Variants in ACAA2 observed in about 807,000 individuals in gnomAD.
The protein encoded by ACAA2 is 3-ketoacyl-CoA thiolase, mitochondrial.
In ACAA2, 35 loss-of-function variants were observed where a neutral mutation model predicts 44.8. The observed-to-expected ratio is 0.78, with a 90% CI of 0.60 to 1.04. The LOEUF (loss-of-function observed/expected upper bound fraction) is 1.04, where lower values mean the gene tolerates loss of function less well. Among genes scored for constraint, ACAA2 ranks in the 50% least tolerant of loss-of-function variants. The probability of loss-of-function intolerance (pLI) is 0.00; values close to 1 mark genes in which losing one functional copy is unlikely to be tolerated. For missense variants in ACAA2, 468 were observed against 482.6 expected, an observed-to-expected ratio of 0.97 and a Z score of 0.28; for synonymous variants, 142 against 166.5, an observed-to-expected ratio of 0.85 and a Z score of 1.13.
chr18:49,811,156 A>G (rs555005575), intron 1 of ACAA2, among the ~76,000 whole-genome samples: 136 of 152,074 alleles, frequency 8.9e-4, no homozygotes, highest in Admixed American at 1.1e-3. Flanking sequence ...GAAGAGACCT[A>G]TTAACCCAGA....
At position 49,803,701 on chromosome 18, in the gene ACAA2, T is replaced by C. The variant is rs1023922637; in HGVS notation, c.17-848A>G. Among the ~76,000 whole-genome samples the C allele has an allele frequency of 2.6e-5, 4 of 152,268 alleles. No individual in the cohort carries two copies. In the East Asian group the frequency reaches 7.7e-4, roughly 29 times the overall value. Reference sequence around the variant, plus strand: ...TCCTTCTTCTATGTGCTGGAGTATATTGCCTAGTATTAGAATAAAAGAATC... The same window carrying C: ...TCCTTCTTCTATGTGCTGGAGTATACTGCCTAGTATTAGAATAAAAGAATC... On this transcript the variant is annotated intron_variant, in intron 1 of 9. Transcript: ENST00000285093.
At chr18:49,802,599 G>T in intron 2 of ACAA2, 88 bp downstream of exon 2, 23 of 1,105,062 alleles carry the variant, frequency 2.1e-5, no homozygotes, top group African/African-American at 3.2e-5. Context: ...TTATTAACTT[G>T]TTTACCATTA....
chr18:49,792,844 TTA>T lies in ACAA2; in HGVS notation c.578-519_578-518del, dbSNP rs59325640. Among the ~76,000 whole-genome samples, 358 of 152,226 alleles carry T rather than the reference TTA, an allele frequency of 2.4e-3. 4 individuals carry two copies. The highest frequency in any genetic ancestry group is 4.0e-3 in the Admixed American group (61 of 15,284). ...AGTTGCATTTTGCATCTTTTAAAAA[TTA>T]TAGAGTCTTTACTATTTACTTACAC... On this transcript the variant is annotated intron_variant, in intron 5 of 9. Transcript: ENST00000285093.
chr18:49,806,324 A>G (rs2023610071), intron 1 of ACAA2, among the ~76,000 whole-genome samples: 1 of 152,198 alleles, frequency 6.6e-6, no homozygotes, highest in South Asian at 2.1e-4. Context: ...TTTCACATAT[A>G]AACTCTGCCC....
intron 2 of ACAA2, among the ~76,000 whole-genome samples, chr18:49,800,768 C>T (rs1040012441): frequency 1.3e-5 from 2 of 151,852 alleles, no homozygotes; most frequent in African/African-American, 2.4e-5. Flanking sequence ...TGCAGAAGGC[C>T]GCAGGGTCCT....
At position 49,787,278 on chromosome 18, in the gene ACAA2, A is replaced by AAAAAC; in HGVS notation, c.954+12_954+13insGTTTT. The AAAAAC allele has an allele frequency of 6.8e-7, 1 of 1,465,794 alleles. No homozygotes were observed. Among genetic ancestry groups the AAAAAC allele is most frequent in the Non-Finnish European group, 9.0e-7 (1 of 1,116,210 alleles). The allele number at this position is 1,465,794 out of a possible 1,614,324, so 90.8% of individuals were successfully genotyped here. A position where few individuals can be genotyped will look rare whatever the true frequency, so the allele number is the denominator to read the frequency against. ...ATGTTGTTAAAAAAAAAAAAAAAAA[A>AAAAAC]AAAAACACTTACCTCTACCAAATCC... On this transcript the variant is annotated intron_variant, in intron 8 of 9. Transcript: ENST00000285093.
intron 9 of ACAA2, among the ~76,000 whole-genome samples, chr18:49,784,545 A>T (rs2023304576): frequency 6.6e-6 from 1 of 152,204 alleles, no homozygotes; most frequent in Non-Finnish European, 1.5e-5. Context: ...ATTTCAACTC[A>T]GGGAATCATT....
chr18:49,795,844 C>T lies in ACAA2; in HGVS notation c.350G>A (p.Gly117Glu). ...AGCTTGGCTCATGCTTTCGGTTCCT[C>T]CACATAAAACAACTTCAGCTTCTTT... Reference protein sequence around the residue: ...CVKEAEVVLCGGTESMSQAPY... With the variant: ...CVKEAEVVLCEGTESMSQAPY... Residue 117 changes from glycine to glutamate, a missense_variant, in exon 4 of 10, where the codon GGA becomes GAA. Coordinates refer to ENST00000285093, the MANE Select transcript of ACAA2 (RefSeq NM_006111.3). 6.2e-7 allele frequency: 1 copy of T among 1,612,156 alleles called. No homozygotes were observed. Among genetic ancestry groups the T allele is most frequent in the Non-Finnish European group, 8.5e-7 (1 of 1,179,036 alleles).
At chr18:49,791,858 G>A (rs561205872) in intron 6 of ACAA2, among the ~76,000 whole-genome samples, 24 of 151,690 alleles carry the variant, frequency 1.6e-4, no homozygotes, top group African/African-American at 4.6e-4. Context: ...GAAGAAATAC[G>A]ATAAACTGTA....
intron 2 of ACAA2, among the ~76,000 whole-genome samples, chr18:49,798,280 G>C (rs1438799864): frequency 6.6e-6 from 1 of 152,148 alleles, no homozygotes; most frequent in Non-Finnish European, 1.5e-5. Context: ...TGAATGATTG[G>C]TCAGGAGAGT....
At position 49,787,284 on chromosome 18, in the gene ACAA2, C is replaced by CACTT. The variant is rs914595019; in HGVS notation, c.954+3_954+6dup. 4.5e-6 allele frequency: 4 copies of CACTT among 885,508 alleles called. No individual in the cohort carries two copies. In the African/African-American group the frequency reaches 6.8e-5, roughly 15 times the overall value. The allele number at this position is 885,508 out of a possible 1,614,324, so 54.9% of individuals were successfully genotyped here. ...TTAAAAAAAAAAAAAAAAAAAAAAA[C>CACTT]ACTTACCTCTACCAAATCCATGTCC... On this transcript the variant is annotated splice_region_variant and intron_variant, in intron 8 of 9. Coordinates refer to ENST00000285093, the MANE Select transcript of ACAA2 (RefSeq NM_006111.3).
intron 1 of ACAA2, among the ~76,000 whole-genome samples, chr18:49,805,361 ATATAAC>A (rs1297976078): frequency 6.6e-6 from 1 of 152,212 alleles, no homozygotes; most frequent in African/African-American, 2.4e-5. Context: ...GGAGCAATAT[ATATAAC>A]TATAATTTAG....
At chr18:49,802,976 C>T (rs1224508870) in intron 1 of ACAA2, 123 bp from the exon 2 acceptor site, 1 of 1,123,704 alleles carries the variant, frequency 8.9e-7, no homozygotes, top group East Asian at 2.4e-5. Flanking sequence ...TTCTGTTAGG[C>T]AATAATACCT....
In ACAA2 at chr18:49,782,786, T is replaced by G. The variant is rs2023281905; in HGVS notation, c.*1061A>C. On this transcript the variant is annotated 3_prime_UTR_variant, in exon 10 of 10. Coordinates refer to ENST00000285093, the MANE Select transcript of ACAA2 (RefSeq NM_006111.3). ...TGGCATGAACCCAGGAGGCGGAGCT[T>G]GCAGTAAGCTGAGATCGCGCCACTG... 1 of 151,252 alleles carries G rather than the reference T, an allele frequency of 6.6e-6. No homozygotes were observed. Among genetic ancestry groups the G allele is most frequent in the Non-Finnish European group, 1.5e-5 (1 of 67,984 alleles). 9.4% of individuals were successfully genotyped at this position (151,252 alleles called of 1,614,324 possible).
chr18:49,797,028 A>C (rs2023472727), intron 3 of ACAA2, among the ~76,000 whole-genome samples: 2 of 152,100 alleles, frequency 1.3e-5, no homozygotes, highest in Non-Finnish European at 2.9e-5. Flanking sequence ...TCAGTAGTTT[A>C]AGTGTATTCA....
At chr18:49,799,406 G>C (rs573364126) in intron 2 of ACAA2, among the ~76,000 whole-genome samples, 11 of 109,740 alleles carry the variant, frequency 1.0e-4, no homozygotes, top group African/African-American at 2.8e-4. Flanking sequence ...TGGTGGAGAC[G>C]GGGTTTCGCT....
chr18:49,796,725 G>A (rs1000887716), intron 3 of ACAA2, among the ~76,000 whole-genome samples: 1 of 151,958 alleles, frequency 6.6e-6, no homozygotes, highest in African/African-American at 2.4e-5. Context: ...CTTGCCTCAC[G>A]GTCTTTATTC....
intron 1 of ACAA2, among the ~76,000 whole-genome samples, chr18:49,803,330 T>C (rs1039865578): frequency 6.6e-6 from 1 of 151,558 alleles, no homozygotes; most frequent in African/African-American, 2.4e-5. Context: ...TTCCAGACAT[T>C]GTATGAAAAA....
intron 2 of ACAA2, among the ~76,000 whole-genome samples, chr18:49,799,504 T>C (rs559072139): frequency 6.6e-6 from 1 of 152,334 alleles, no homozygotes; most frequent in East Asian, 1.9e-4. Context: ...GACGGAGTCT[T>C]GTTCACTCAG....
Sources: gnomAD v4.1 joint callset for allele counts (sites outside exome capture counted in the v4.1 genomes callset) on GRCh38, gnomAD v4.1.1 for gene constraint, MANE v1.5 for transcripts, NCBI Gene and HGNC (gene_info 2026-07-23, HGNC 2026-07-21) for gene names.